The following DYRK4 variants were observed in gnomAD, a reference collection of about 807,000 sequenced individuals.
The protein encoded by DYRK4 is dual specificity tyrosine phosphorylation regulated kinase 4, also known as dual specificity tyrosine-phosphorylation-regulated kinase 4.
A neutral mutation model predicts 68.3 loss-of-function variants in DYRK4; 64 were observed. The ratio of observed to expected loss-of-function variants is 0.94; its 90% CI spans 0.77 to 1.15. The LOEUF (loss-of-function observed/expected upper bound fraction) is 1.15, where lower values mean the gene tolerates loss of function less well. DYRK4 is among the 50% of genes most tolerant of loss of function. The pLI is 0.00. For missense variants in DYRK4, 740 were observed against 764.7 expected (o/e 0.97, Z 0.38); for synonymous variants, 274 against 289.9 (o/e 0.95, Z 0.56).
At chr12:4,578,543 C>G (rs545792048) in intron 2 of DYRK4, among the ~76,000 whole-genome samples, 1 of 152,074 alleles carries the variant, frequency 6.6e-6, no homozygotes, top group African/African-American at 2.4e-5. Flanking sequence ...GCAAGTTATG[C>G]GTAGTTAATT....
chr12:4,610,228 G>A lies in DYRK4; in HGVS notation c.1434G>A (p.Thr478=), dbSNP rs189541724. Residue 478 remains threonine (T), a synonymous_variant, in exon 13 of 15, where the codon ACG becomes ACA. Coordinates refer to ENST00000543431, the MANE Select transcript of DYRK4 (RefSeq NM_001394779.1). The part of the protein sequence containing the change: ...KKRYPDSKDL[T]MVLKTYDTSF... ...GATACCCAGATTCCAAGGACCTCAC[G>A]ATGGTGCTGAAAACCTATGACACCA... 35 of 1,599,374 alleles carry A rather than the reference G, an allele frequency of 2.2e-5. No homozygotes were observed. The Admixed American group carries it at 4.2e-4, about 19-fold the overall frequency.
At chr12:4,593,656 G>A (rs10744654) in intron 6 of DYRK4, among the ~76,000 whole-genome samples, 90,115 of 152,002 alleles carry the variant, frequency 0.59, 28,299 homozygotes, top group African/African-American at 0.79. Flanking sequence ...AACAATCCCA[G>A]CAGCTCCTCT....
intron 10 of DYRK4, 70 bp downstream of exon 10, chr12:4,599,858 A>T: frequency 7.4e-7 from 1 of 1,350,708 alleles, no homozygotes; most frequent in African/African-American, 1.4e-5. Context: ...ATACAAGGTC[A>T]CCTGCCTTCT....
chr12:4,592,068 A>C (rs888279167), intron 5 of DYRK4, among the ~76,000 whole-genome samples: 4 of 152,184 alleles, frequency 2.6e-5, no homozygotes, highest in Non-Finnish European at 5.9e-5. Flanking sequence ...GACACTTTAC[A>C]GCTCTTCTAC....
intron 2 of DYRK4, among the ~76,000 whole-genome samples, chr12:4,574,767 G>A (rs1944769561): frequency 6.6e-6 from 1 of 152,148 alleles, no homozygotes; most frequent in Admixed American, 6.5e-5. Flanking sequence ...ACCCAGGTTG[G>A]AGCGCAGTGG....
At chr12:4,573,467 G>A in intron 2 of DYRK4, 1 of 1,175,646 alleles carries the variant, frequency 8.5e-7, no homozygotes. Flanking sequence ...GGAATGTGAA[G>A]TGAGCAGGAA....
intron 2 of DYRK4, chr12:4,573,416 A>G: frequency 1.6e-6 from 2 of 1,283,632 alleles, no homozygotes; most frequent in Non-Finnish European, 2.0e-6. Context: ...AATCAAAGAA[A>G]GGAGAACAAA....
Position 4,596,685 on chromosome 12 carries a change from T to C in DYRK4, c.861T>C (p.Phe287=), listed in dbSNP as rs966236558. The C allele has an allele frequency of 6.2e-7, 1 of 1,614,086 alleles. No homozygotes were observed. Among genetic ancestry groups the C allele is most frequent in the African/African-American group, 1.3e-5 (1 of 74,934 alleles). The stretch of plus-strand genomic sequence containing the variant: ...ACAATGTGGTGCATATGAAGGACTT[T>C]TTCTACTTTCGCAATCACTTCTGCA... The part of the protein sequence containing the change: ...NTYNVVHMKD[F]FYFRNHFCIT... The change falls in exon 8 of 15, where the codon TTT becomes TTC. Residue 287 remains phenylalanine (F), a synonymous_variant. Coordinates refer to ENST00000543431, the MANE Select transcript of DYRK4 (RefSeq NM_001394779.1).
intron 9 of DYRK4, 32 bp downstream of exon 9, chr12:4,599,198 A>G (rs1190185461): frequency 6.2e-7 from 1 of 1,604,792 alleles, no homozygotes. Flanking sequence ...CCATGGACAC[A>G]CTCTGGAAAT....
intron 2 of DYRK4, chr12:4,573,282 TG>T (rs1944751228): frequency 7.8e-7 from 1 of 1,284,670 alleles, no homozygotes; most frequent in African/African-American, 1.5e-5. Context: ...GGAATGGATT[TG>T]GGGTCCTGAA....
chr12:4,575,298 A>ATTTTGTGTGTGT (rs562026104), intron 2 of DYRK4, among the ~76,000 whole-genome samples: 1 of 144,090 alleles, frequency 6.9e-6, no homozygotes, highest in Non-Finnish European at 1.5e-5. Flanking sequence ...ACAATAACTT[A>ATTTTGTGTGTGT]CTGTGTGTGT....
At chr12:4,602,939 A>G (rs1945098011) in intron 10 of DYRK4, 1 of 839,140 alleles carries the variant, frequency 1.2e-6, no homozygotes, top group Non-Finnish European at 1.9e-6. Context: ...AGGAACTTCC[A>G]GATCAACTAA....
chr12:4,574,300 A>G (rs10774241), intron 2 of DYRK4, among the ~76,000 whole-genome samples: 118,191 of 151,028 alleles, frequency 0.78, 46,620 homozygotes, highest in Middle Eastern at 0.89. Flanking sequence ...CGTCCTGTTC[A>G]TTGTCCCGTC....
chr12:4,585,230 C>G (rs1944883943), intron 2 of DYRK4, among the ~76,000 whole-genome samples: 1 of 152,188 alleles, frequency 6.6e-6, no homozygotes, highest in African/African-American at 2.4e-5. Flanking sequence ...CCTGTCCCTT[C>G]TCTTGATTCC....
intron 12 of DYRK4, 92 bp from the exon 13 acceptor site, chr12:4,610,063 A>G: frequency 1.7e-6 from 2 of 1,191,126 alleles, no homozygotes; most frequent in Non-Finnish European, 2.3e-6. Flanking sequence ...ACAGAGAGCA[A>G]AAGAGCTACA....
chr12:4,597,222 C>T, intron 8 of DYRK4: 3 of 904,718 alleles, frequency 3.3e-6, no homozygotes, highest in Non-Finnish European at 4.0e-6. Flanking sequence ...ATTGGCGTGG[C>T]CTGGCTGAAT....
chr12:4,596,282 A>G lies in DYRK4; in HGVS notation c.761A>G (p.Lys254Arg). ...GCCCTGAAAATCATCAGGAACAAGA[A>G]GAGGTGTGGCTTGGGGATGACATAG... ...LVALKIIRNK[K>R]RFHQQALMEL... Residue 254 changes from lysine to arginine, a missense_variant, in exon 7 of 15, where the codon AAG (lysine) becomes AGG (arginine). By Grantham distance (26) the Lys-to-Arg change is conservative (BLOSUM62 2). Coordinates refer to ENST00000543431, the MANE Select transcript of DYRK4 (RefSeq NM_001394779.1). 2 of 1,614,194 alleles carry G rather than the reference A, an allele frequency of 1.2e-6. No individual in the cohort carries two copies. Among genetic ancestry groups the G allele is most frequent in the Non-Finnish European group, 8.5e-7 (1 of 1,180,028 alleles).
At chr12:4,575,298 A>ATTGTGTGTGTGTGTGTGTGTGT (rs562026104) in intron 2 of DYRK4, among the ~76,000 whole-genome samples, 23,611 of 143,862 alleles carry the variant, frequency 0.16, 2,453 homozygotes, top group Middle Eastern at 0.25. Context: ...ACAATAACTT[A>ATTGTGTGTGTGTGTGTGTGTGT]CTGTGTGTGT....
intron 2 of DYRK4, among the ~76,000 whole-genome samples, chr12:4,581,682 C>G (rs1156604037): frequency 6.6e-6 from 1 of 152,172 alleles, no homozygotes; most frequent in Non-Finnish European, 1.5e-5. Context: ...TCTCCCTGGA[C>G]AGCCTAGAGT....
Sources: allele counts gnomAD v4.1 joint callset (sites outside exome capture counted in the v4.1 genomes callset), GRCh38; gene constraint gnomAD v4.1.1; transcripts MANE v1.5; gene names NCBI Gene and HGNC (gene_info 2026-07-23, HGNC 2026-07-21).